The following FER variants were observed in gnomAD, a reference collection of about 807,000 sequenced individuals.
FER encodes the protein tyrosine-protein kinase Fer.
FER carries 63 observed loss-of-function variants against 111.0 expected under a neutral mutation model. The ratio of observed to expected loss-of-function variants is 0.57; its 90% CI spans 0.46 to 0.70. The LOEUF (loss-of-function observed/expected upper bound fraction) is 0.70, where lower values mean the gene tolerates loss of function less well. Among genes scored for constraint, FER ranks in the 30% least tolerant of loss-of-function variants. The pLI, the probability that FER is intolerant of heterozygous loss-of-function variation, is 0.00. For synonymous variants in FER, 327 were observed against 313.9 expected (o/e 1.04, Z -0.44); for missense variants, 914 against 954.0 (o/e 0.96, Z 0.55).
At chr5:108,942,684 C>A (rs954736069) in intron 10 of FER, among the ~76,000 whole-genome samples, 1 of 152,082 alleles carries the variant, frequency 6.6e-6, no homozygotes, top group African/African-American at 2.4e-5. Context: ...AGGTTACTTA[C>A]TTATAAATGC....
chr5:108,758,721 G>A (rs779632172), intron 1 of FER, among the ~76,000 whole-genome samples: 2 of 152,134 alleles, frequency 1.3e-5, no homozygotes, highest in Non-Finnish European at 2.9e-5. Flanking sequence ...CTAATTACTG[G>A]AACTAGGAAT....
At chr5:108,791,991 T>C (rs746482036) in intron 2 of FER, among the ~76,000 whole-genome samples, 6 of 152,262 alleles carry the variant, frequency 3.9e-5, no homozygotes, top group Non-Finnish European at 7.3e-5. Flanking sequence ...CACTTTACCA[T>C]AAATGTAAAG....
intron 5 of FER, among the ~76,000 whole-genome samples, chr5:108,847,533 G>C (rs1307100159): frequency 6.6e-6 from 1 of 152,040 alleles, no homozygotes; most frequent in African/African-American, 2.4e-5. Context: ...TTGTTTAATA[G>C]TATTATTCAA....
rs551362564 is a variant in FER at position 108,844,091 on chromosome 5, A to AAC, written c.481+8286_481+8287dup. Among the ~76,000 whole-genome samples the AAC allele has an allele frequency of 5.8e-4, 70 of 121,518 alleles. 1 individual carries two copies. The highest frequency in any genetic ancestry group is 1.4e-3 in the African/African-American group (39 of 27,304). The allele number at this position is 121,518 out of a possible 152,430, so 79.7% of individuals were successfully genotyped here. ...ATGTGTGTGAACATATATGCGTGTG[A>AAC]ACATATGTGTGTGAACATGTGTGTG... On this transcript the variant is annotated intron_variant, in intron 5 of 19. Transcript: ENST00000281092.
At chr5:108,861,246 A>G (rs1244610882) in intron 5 of FER, among the ~76,000 whole-genome samples, 2 of 152,198 alleles carry the variant, frequency 1.3e-5, no homozygotes, top group Non-Finnish European at 2.9e-5. Context: ...TAATTCGCAA[A>G]TGGCAAACAC....
chr5:108,802,997 G>A (rs1321552828), intron 3 of FER, among the ~76,000 whole-genome samples: 1 of 151,908 alleles, frequency 6.6e-6, no homozygotes, highest in African/African-American at 2.4e-5. Context: ...ACAACCTCAC[G>A]AGCATGTGTT....
intron 17 of FER, among the ~76,000 whole-genome samples, chr5:109,104,252 T>C (rs1748606040): frequency 1.3e-5 from 2 of 152,356 alleles, no homozygotes; most frequent in Middle Eastern, 3.4e-3. Context: ...GTTTTGCTTA[T>C]GCATTGAAGA....
intron 17 of FER, among the ~76,000 whole-genome samples, chr5:109,150,096 T>C (rs1754659309): frequency 6.6e-6 from 1 of 152,142 alleles, no homozygotes; most frequent in African/African-American, 2.4e-5. Context: ...CACCCCTGTT[T>C]GTGGAAAAAC....
chr5:108,990,291 G>C (rs1763016213), intron 13 of FER, among the ~76,000 whole-genome samples: 3 of 151,808 alleles, frequency 2.0e-5, no homozygotes. Context: ...TTCTCCTGTA[G>C]ATAGATATTT....
intron 16 of FER, among the ~76,000 whole-genome samples, chr5:109,068,745 A>G (rs969881830): frequency 2.0e-5 from 3 of 152,230 alleles, no homozygotes; most frequent in Admixed American, 2.0e-4. Flanking sequence ...AAAGGGTTAA[A>G]TGAAATAATA....
At chr5:108,990,612 A>G (rs1368157681) in intron 13 of FER, among the ~76,000 whole-genome samples, 1 of 151,736 alleles carries the variant, frequency 6.6e-6, no homozygotes, top group Admixed American at 6.6e-5. Flanking sequence ...TAATGTATAA[A>G]TATTTGGGAA....
At chr5:109,009,876 G>A (rs1386815461) in intron 13 of FER, among the ~76,000 whole-genome samples, 1 of 152,162 alleles carries the variant, frequency 6.6e-6, no homozygotes, top group Non-Finnish European at 1.5e-5. Flanking sequence ...GTCATGATCT[G>A]TTAAACACGG....
At chr5:109,119,011 A>C (rs1162570657) in intron 17 of FER, among the ~76,000 whole-genome samples, 1 of 147,574 alleles carries the variant, frequency 6.8e-6, no homozygotes, top group Non-Finnish European at 1.5e-5. Flanking sequence ...TATCTCCTTC[A>C]GTTCTGCTCT....
intron 10 of FER, among the ~76,000 whole-genome samples, chr5:108,900,263 A>G (rs752511244): frequency 2.6e-5 from 4 of 152,228 alleles, no homozygotes; most frequent in Admixed American, 6.5e-5. Flanking sequence ...ACAATGCCCA[A>G]TTCCTAAAAC....
intron 17 of FER, among the ~76,000 whole-genome samples, chr5:109,164,866 C>T (rs142472634): frequency 0.012 from 1,764 of 152,172 alleles, 22 homozygotes; most frequent in Non-Finnish European, 0.017. Context: ...ATGTTGACGC[C>T]ATCTAAAATT....
At chr5:109,031,894 G>A (rs1438919186) in intron 13 of FER, among the ~76,000 whole-genome samples, 1 of 152,156 alleles carries the variant, frequency 6.6e-6, no homozygotes, top group Non-Finnish European at 1.5e-5. Flanking sequence ...TTTGAACAGA[G>A]TGTAATCTAA....
chr5:108,888,368 A>C (rs933097283), intron 9 of FER, among the ~76,000 whole-genome samples: 1 of 151,946 alleles, frequency 6.6e-6, no homozygotes, highest in Non-Finnish European at 1.5e-5. Flanking sequence ...GGAGGAAACC[A>C]ACACAAAATT....
intron 13 of FER, among the ~76,000 whole-genome samples, chr5:108,969,960 A>G (rs1760411279): frequency 1.4e-5 from 2 of 148,006 alleles, no homozygotes; most frequent in Admixed American, 6.6e-5. Context: ...ACATGTTACT[A>G]TGTTTGTAAT....
intron 5 of FER, among the ~76,000 whole-genome samples, chr5:108,863,365 C>T (rs1763722438): frequency 6.6e-6 from 1 of 152,192 alleles, no homozygotes; most frequent in Admixed American, 6.5e-5. Context: ...AAGTAATCCG[C>T]CCGCCTCGGC....
Sources: allele counts gnomAD v4.1 joint callset (sites outside exome capture counted in the v4.1 genomes callset), GRCh38; gene constraint gnomAD v4.1.1; transcripts MANE v1.5; gene names NCBI Gene and HGNC (gene_info 2026-07-23, HGNC 2026-07-21).